SLC4A8: variants seen among roughly 807,000 people sequenced by gnomAD.
The protein encoded by SLC4A8 is solute carrier family 4 member 8.
Under a neutral mutation model 125.0 loss-of-function variants are expected in SLC4A8, and 40 were observed. The ratio of observed to expected loss-of-function variants is 0.32; its 90% CI spans 0.25 to 0.42. SLC4A8 has a LOEUF of 0.42. SLC4A8 is among the 10% of genes least tolerant of loss of function. The pLI is 1.00. For missense variants in SLC4A8, 863 were observed against 1,355.1 expected, an observed-to-expected ratio of 0.64 and a Z score of 5.70; for synonymous variants, 456 against 476.0, an observed-to-expected ratio of 0.96 and a Z score of 0.55.
upstream of SLC4A8, among the ~76,000 whole-genome samples, chr12:51,422,404 C>G (rs757365121): frequency 9.9e-5 from 15 of 152,282 alleles, no homozygotes; most frequent in Admixed American, 3.9e-4. Flanking sequence ...GGGTCTCACT[C>G]TGTCACCTCG....
chr12:51,477,089 A>C (rs535057360), intron 16 of SLC4A8, among the ~76,000 whole-genome samples: 32 of 151,736 alleles, frequency 2.1e-4, no homozygotes, highest in South Asian at 4.1e-4. Flanking sequence ...TTTTTAGTAG[A>C]GACGGGGTTT....
chr12:51,414,473 G>A (rs902429579), intron 1 of SLC4A8, among the ~76,000 whole-genome samples: 43 of 152,104 alleles, frequency 2.8e-4, no homozygotes, highest in East Asian at 1.2e-3. Context: ...AGAGTGGGCC[G>A]GATGTAGTGG....
chr12:51,417,471 C>T (rs1158633914), intron 1 of SLC4A8, among the ~76,000 whole-genome samples: 12 of 152,074 alleles, frequency 7.9e-5, no homozygotes, highest in Non-Finnish European at 1.2e-4. Context: ...GTCAGCCTCC[C>T]GAGTAGCTGG....
At chr12:51,495,987 G>A (rs371645772) in intron 21 of SLC4A8, among the ~76,000 whole-genome samples, 13 of 152,058 alleles carry the variant, frequency 8.5e-5, no homozygotes, top group African/African-American at 2.9e-4. Context: ...AGTTCTTTGG[G>A]GTATATGCCA....
intron 1 of SLC4A8, among the ~76,000 whole-genome samples, chr12:51,434,575 A>G (rs1308837076): frequency 6.6e-6 from 1 of 152,218 alleles, no homozygotes; most frequent in Non-Finnish European, 1.5e-5. Flanking sequence ...ACCAATCTAA[A>G]TTAAGGAAAC....
At chr12:51,475,247 A>G (rs765873543) in intron 16 of SLC4A8, 41 bp downstream of exon 16, 1 of 1,591,662 alleles carries the variant, frequency 6.3e-7, no homozygotes, top group Non-Finnish European at 8.6e-7. Context: ...GTTAGAATCA[A>G]ATATAACAGA....
intron 22 of SLC4A8, among the ~76,000 whole-genome samples, chr12:51,499,821 C>T (rs934154013): frequency 6.6e-6 from 1 of 151,904 alleles, no homozygotes; most frequent in African/African-American, 2.4e-5. Flanking sequence ...CATTCCAGGG[C>T]AGGGGTACAG....
chr12:51,459,399 C>T (rs577785195), intron 7 of SLC4A8, among the ~76,000 whole-genome samples: 1 of 151,954 alleles, frequency 6.6e-6, no homozygotes, highest in African/African-American at 2.4e-5. Flanking sequence ...CTTAAAAGCT[C>T]TGTGGTCCCG....
upstream of SLC4A8, among the ~76,000 whole-genome samples, chr12:51,423,793 G>A (rs1050407817): frequency 2.0e-5 from 3 of 152,000 alleles, no homozygotes; most frequent in African/African-American, 2.4e-5. Context: ...CAGCACCTTG[G>A]GTGGCTGAGG....
chr12:51,458,514 GA>G, intron 6 of SLC4A8, 44 bp from the exon 7 acceptor site: 1 of 1,397,486 alleles, frequency 7.2e-7, no homozygotes, highest in Non-Finnish European at 1.0e-6. Context: ...GTCAGAAGGG[GA>G]AAAGGGCAGG....
intron 1 of SLC4A8, among the ~76,000 whole-genome samples, chr12:51,438,546 T>A (rs1009583608): frequency 3.3e-5 from 5 of 152,342 alleles, no homozygotes; most frequent in Admixed American, 3.3e-4. Flanking sequence ...ACACCTAGGA[T>A]GATTCCATAT....
intron 14 of SLC4A8, among the ~76,000 whole-genome samples, chr12:51,472,600 C>G (rs1167838555): frequency 1.3e-5 from 2 of 152,090 alleles, no homozygotes; most frequent in Admixed American, 6.5e-5. Flanking sequence ...ATTTATTGAG[C>G]ACCTATTATG....
chr12:51,447,587 G>A (rs983385948), intron 2 of SLC4A8, among the ~76,000 whole-genome samples: 4 of 152,160 alleles, frequency 2.6e-5, no homozygotes, highest in African/African-American at 4.8e-5. Flanking sequence ...GGGTACAGCA[G>A]TCAAGGCCAT....
chr12:51,483,462 TTTCTTTTC>T (rs1046241132), intron 16 of SLC4A8, among the ~76,000 whole-genome samples: 1 of 151,412 alleles, frequency 6.6e-6, no homozygotes, highest in Non-Finnish European at 1.5e-5. Flanking sequence ...TTTTTCTTTT[TTTCTTTTC>T]TCTTTTTTTT....
At chr12:51,475,701 G>A (rs1950835724) in intron 16 of SLC4A8, among the ~76,000 whole-genome samples, 1 of 152,194 alleles carries the variant, frequency 6.6e-6, no homozygotes, top group South Asian at 2.1e-4. Context: ...ATGACTGTTT[G>A]AAACCTCAGC....
Position 51,450,917 on chromosome 12 carries a change from C to A in SLC4A8, c.172C>A (p.Arg58=), listed in dbSNP as rs1228584373. 3.1e-6 allele frequency: 5 copies of A among 1,612,134 alleles called. No homozygotes were observed. Among genetic ancestry groups the A allele is most frequent in the African/African-American group, 1.3e-5 (1 of 74,856 alleles). Reference sequence around the variant, plus strand: ...TGTGGGAGTTCGGATGCCGCTTGGCCGGCAGAGCCATCGGCATCACCGCAC... The same window carrying A: ...TGTGGGAGTTCGGATGCCGCTTGGCAGGCAGAGCCATCGGCATCACCGCAC... The part of the protein sequence containing the change: ...LYVGVRMPLG[R]QSHRHHRTHG... Residue 58 remains arginine, a synonymous_variant, in exon 3 of 25, where the codon CGG becomes AGG. Transcript: ENST00000453097.
intron 16 of SLC4A8, among the ~76,000 whole-genome samples, chr12:51,478,169 G>T (rs1038667958): frequency 1.3e-5 from 2 of 152,148 alleles, no homozygotes; most frequent in African/African-American, 4.8e-5. Context: ...CAGCTACTCG[G>T]GAGGCTGAGG....
chr12:51,502,342 TCTC>T (rs1180060349), intron 22 of SLC4A8: 1 of 151,514 alleles, frequency 6.6e-6, no homozygotes, highest in Non-Finnish European at 1.5e-5. Context: ...TTCGAGCGAT[TCTC>T]CTACCTCAGC....
intron 1 of SLC4A8, among the ~76,000 whole-genome samples, chr12:51,399,778 T>C (rs1948335307): frequency 6.6e-6 from 1 of 152,012 alleles, no homozygotes; most frequent in African/African-American, 2.4e-5. Context: ...GGTCAGGAGA[T>C]TGAGATCATC....
Sources: gnomAD v4.1 joint callset for allele counts (sites outside exome capture counted in the v4.1 genomes callset) on GRCh38, gnomAD v4.1.1 for gene constraint, MANE v1.5 for transcripts, NCBI Gene and HGNC (gene_info 2026-07-23, HGNC 2026-07-21) for gene names.